CHRNA7: variants seen among roughly 807,000 people sequenced by gnomAD.
CHRNA7 encodes neuronal acetylcholine receptor subunit alpha-7.
In CHRNA7, 17 loss-of-function variants were observed where a neutral mutation model predicts 48.0. The ratio of observed to expected loss-of-function variants is 0.35; its 90% CI spans 0.24 to 0.53. The LOEUF is 0.53. CHRNA7 is among the 20% of genes least tolerant of loss of function. The pLI is 0.92. For missense variants in CHRNA7, 155 were observed against 577.7 expected (o/e 0.27, Z 7.50); for synonymous variants, 75 against 242.3 (o/e 0.31, Z 6.41).
chr15:32,115,460 G>A (rs1298001016), intron 4 of CHRNA7, among the ~76,000 whole-genome samples: 3 of 151,984 alleles, frequency 2.0e-5, no homozygotes, highest in Admixed American at 2.0e-4. Context: ...TGGACACACT[G>A]TGCAGCCCCC....
chr15:32,075,339 A>G (rs2050120870), intron 2 of CHRNA7, among the ~76,000 whole-genome samples: 1 of 152,138 alleles, frequency 6.6e-6, no homozygotes, highest in South Asian at 2.1e-4. Context: ...TAGAGACTTT[A>G]TTTTTAAGAG....
intron 2 of CHRNA7, among the ~76,000 whole-genome samples, chr15:32,071,692 C>G (rs1287587795): frequency 6.6e-6 from 1 of 152,116 alleles, no homozygotes; most frequent in Non-Finnish European, 1.5e-5. Context: ...CTCTCTTGCT[C>G]CCTCTTTCAC....
At chr15:32,039,940 A>G (rs766727942) in intron 2 of CHRNA7, among the ~76,000 whole-genome samples, 17 of 152,262 alleles carry the variant, frequency 1.1e-4, no homozygotes, top group Admixed American at 6.5e-5. Context: ...TTTTGGGCAT[A>G]TACACATTAA....
chr15:32,133,277 G>A (rs1302214236), intron 4 of CHRNA7, among the ~76,000 whole-genome samples: 3 of 152,184 alleles, frequency 2.0e-5, no homozygotes, highest in Non-Finnish European at 4.4e-5. Flanking sequence ...AGGTCACATA[G>A]TTTAGAAATG....
At chr15:32,051,355 G>A (rs1468752106) in intron 2 of CHRNA7, among the ~76,000 whole-genome samples, 3 of 152,174 alleles carry the variant, frequency 2.0e-5, no homozygotes, top group South Asian at 4.1e-4. Flanking sequence ...AGGCAATGGC[G>A]GGCGCCCCTC....
intron 2 of CHRNA7, among the ~76,000 whole-genome samples, chr15:32,095,089 C>T (rs2050445535): frequency 6.6e-6 from 1 of 152,266 alleles, no homozygotes; most frequent in African/African-American, 2.4e-5. Context: ...CCCTAGCCCA[C>T]ATGGCTAGTG....
intron 4 of CHRNA7, chr15:32,112,216 C>G (rs1161148034): frequency 2.0e-6 from 1 of 502,740 alleles, no homozygotes; most frequent in East Asian, 5.5e-5. Flanking sequence ...TAAGGCAGTA[C>G]CTTTGTTCTC....
chr15:32,127,270 TAACATCCA>T (rs1174013218), intron 4 of CHRNA7, among the ~76,000 whole-genome samples: 2 of 152,172 alleles, frequency 1.3e-5, no homozygotes, highest in African/African-American at 4.8e-5. Flanking sequence ...ATAGCTTCTA[TAACATCCA>T]TGTCCATGTT....
chr15:32,095,625 T>C (rs6494215), intron 2 of CHRNA7, among the ~76,000 whole-genome samples: 149,636 of 152,256 alleles, frequency 0.98, 73,594 homozygotes, highest in East Asian at 1. Context: ...CTGGTCCCTA[T>C]GTCCTGTAGC....
intron 2 of CHRNA7, among the ~76,000 whole-genome samples, chr15:32,097,186 G>GGGTC (rs553548188): frequency 6.3e-4 from 96 of 152,292 alleles, no homozygotes; most frequent in African/African-American, 2.2e-3. Context: ...GGAGCCCCCA[G>GGGTC]GGTCTTTTGC....
rs139342991 is a variant in CHRNA7 at position 32,129,121 on chromosome 15, T to C, written c.350+17222T>C. Reference sequence around the variant, plus strand: ...GGAACAAACTCTACTTGGTCATGTGTGTAATTCCTTATATATACTGCTAAG... The same window carrying C: ...GGAACAAACTCTACTTGGTCATGTGCGTAATTCCTTATATATACTGCTAAG... On this transcript the variant is annotated intron_variant, in intron 4 of 9. Coordinates refer to ENST00000306901, the MANE Select transcript of CHRNA7 (RefSeq NM_000746.6). Among the ~76,000 whole-genome samples, 794 of 152,082 alleles carry C rather than the reference T, an allele frequency of 5.2e-3. 5 individuals carry two copies. Among genetic ancestry groups the C allele is most frequent in the African/African-American group, 0.018 (763 of 41,568 alleles).
At chr15:32,145,612 C>T (rs2051471041) in intron 4 of CHRNA7, among the ~76,000 whole-genome samples, 1 of 152,184 alleles carries the variant, frequency 6.6e-6, no homozygotes, top group African/African-American at 2.4e-5. Context: ...TTTACCTACT[C>T]AAGCCTCAGC....
chr15:32,133,387 G>A (rs2051189716), intron 4 of CHRNA7, among the ~76,000 whole-genome samples: 2 of 152,198 alleles, frequency 1.3e-5, no homozygotes, highest in South Asian at 4.1e-4. Context: ...CTATAAGCAG[G>A]CAGGAGGGTG....
intron 4 of CHRNA7, among the ~76,000 whole-genome samples, chr15:32,113,259 C>T (rs904975149): frequency 6.6e-6 from 1 of 152,214 alleles, no homozygotes; most frequent in East Asian, 1.9e-4. Flanking sequence ...CTTCGCTTGT[C>T]TCTGTCCGTG....
chr15:32,042,600 CA>C (rs1376216963), intron 2 of CHRNA7, among the ~76,000 whole-genome samples: 1 of 152,168 alleles, frequency 6.6e-6, no homozygotes, highest in Admixed American at 6.5e-5. Context: ...AGGAATTTGC[CA>C]ATTCCAGTTT....
intron 2 of CHRNA7, among the ~76,000 whole-genome samples, chr15:32,076,432 T>G (rs564945746): frequency 6.6e-6 from 1 of 152,340 alleles, no homozygotes; most frequent in Non-Finnish European, 1.5e-5. Context: ...ATGGTAATTT[T>G]CTTTGCTCTG....
intron 2 of CHRNA7, among the ~76,000 whole-genome samples, chr15:32,089,228 C>G (rs1022784058): frequency 6.6e-6 from 1 of 152,134 alleles, no homozygotes; most frequent in African/African-American, 2.4e-5. Context: ...ACTATTCTTT[C>G]TGCTCTGCTC....
intron 2 of CHRNA7, among the ~76,000 whole-genome samples, chr15:32,042,048 C>A (rs2049458378): frequency 6.6e-6 from 1 of 152,050 alleles, no homozygotes; most frequent in South Asian, 2.1e-4. Flanking sequence ...TTGTTTTTTG[C>A]CTTTTAGTAT....
chr15:32,114,320 T>C (rs187326379), intron 4 of CHRNA7, among the ~76,000 whole-genome samples: 115 of 152,144 alleles, frequency 7.6e-4, no homozygotes, highest in Non-Finnish European at 1.4e-3. Context: ...CAAGTTGTAA[T>C]TGAATTTCAA....
Sources: gnomAD v4.1 joint callset for allele counts (sites outside exome capture counted in the v4.1 genomes callset) on GRCh38, gnomAD v4.1.1 for gene constraint, MANE v1.5 for transcripts, NCBI Gene and HGNC (gene_info 2026-07-23, HGNC 2026-07-21) for gene names.